The following ECT2 variants were observed in gnomAD, a reference collection of about 807,000 sequenced individuals.
ECT2 encodes the protein protein ECT2.
In ECT2, 61 loss-of-function variants were observed where a neutral mutation model predicts 116.9. The ratio of observed to expected loss-of-function variants is 0.52; its 90% confidence interval spans 0.42 to 0.65. ECT2 has a LOEUF of 0.65. Ranked by LOEUF, ECT2 falls within the 30% of genes least tolerant of loss-of-function variation. The pLI is 0.00. For synonymous variants in ECT2, 358 were observed against 346.4 expected (o/e 1.03, Z -0.37); for missense variants, 937 against 1,078.7 (o/e 0.87, Z 1.84).
Position 172,773,986 on chromosome 3 carries a change from C to T in ECT2, c.1512C>T (p.Ser504=), listed in dbSNP as rs1162273899. 3 of 1,612,850 alleles carry T rather than the reference C, an allele frequency of 1.9e-6. No individual in the cohort carries two copies. The highest frequency in any genetic ancestry group is 2.5e-6 in the Non-Finnish European group (3 of 1,179,006). ...AGGAGATTAAGACTATTTTTGGTAG[C>T]ATCCCAGATATCTTTGATGTACACA... ...APEEIKTIFG[S]IPDIFDVHTK... Residue 504 remains serine, a synonymous_variant, in exon 14 of 25, where the codon AGC becomes AGT. Coordinates refer to ENST00000392692, the MANE Select transcript of ECT2 (RefSeq NM_001258315.2).
intron 18 of ECT2, among the ~76,000 whole-genome samples, chr3:172,795,288 T>C (rs1287111599): frequency 9.2e-5 from 13 of 141,182 alleles, no homozygotes; most frequent in Middle Eastern, 3.9e-3. Flanking sequence ...ATTGCACCAC[T>C]GCACTCCAGC....
chr3:172,801,189 T>G (rs1425729284), intron 18 of ECT2, among the ~76,000 whole-genome samples: 1 of 152,214 alleles, frequency 6.6e-6, no homozygotes, highest in Non-Finnish European at 1.5e-5. Context: ...TTCTAGACAT[T>G]GTCAGTTTTA....
At chr3:172,775,023 G>T (rs2108546026) in intron 14 of ECT2, among the ~76,000 whole-genome samples, 1 of 152,286 alleles carries the variant, frequency 6.6e-6, no homozygotes, top group Middle Eastern at 3.4e-3. Context: ...CCATTTATAG[G>T]TAGGTAAATG....
intron 18 of ECT2, among the ~76,000 whole-genome samples, chr3:172,798,526 A>G (rs1726149055): frequency 6.6e-6 from 1 of 152,204 alleles, no homozygotes; most frequent in South Asian, 2.1e-4. Flanking sequence ...GAGATCAAGC[A>G]GAATAAAAAT....
chr3:172,781,287 G>A (rs1447362814), intron 14 of ECT2, among the ~76,000 whole-genome samples: 1 of 152,116 alleles, frequency 6.6e-6, no homozygotes, highest in Non-Finnish European at 1.5e-5. Context: ...TATCATATCT[G>A]CTTCTGCATT....
At chr3:172,787,134 TCTGA>T (rs1723739191) in intron 18 of ECT2, among the ~76,000 whole-genome samples, 1 of 152,190 alleles carries the variant, frequency 6.6e-6, no homozygotes, top group Non-Finnish European at 1.5e-5. Flanking sequence ...GAAATGATCT[TCTGA>T]CTGTTAGGAT....
At position 172,790,706 on chromosome 3, in the gene ECT2, G is replaced by A. The variant is rs141116974; in HGVS notation, c.1907+4132G>A. Among the ~76,000 whole-genome samples the A allele has an allele frequency of 2.7e-3, 407 of 152,336 alleles. 2 individuals carry two copies. Among genetic ancestry groups the A allele is most frequent in the African/African-American group, 9.2e-3 (383 of 41,578 alleles). ...GAAATTACTCCTTGATTCATGGGCTGCAGAATTGGATGTTGAGCTAGCAGG... is the reference window on the plus strand; with the variant it reads ...GAAATTACTCCTTGATTCATGGGCTACAGAATTGGATGTTGAGCTAGCAGG... On this transcript the variant is annotated intron_variant, in intron 18 of 24. Transcript: ENST00000392692.
At chr3:172,801,844 G>T (rs1726777348) in intron 18 of ECT2, among the ~76,000 whole-genome samples, 1 of 152,190 alleles carries the variant, frequency 6.6e-6, no homozygotes, top group Non-Finnish European at 1.5e-5. Context: ...AGTCAGAAAA[G>T]TAAATTCATT....
At chr3:172,788,761 G>A (rs777522923) in intron 18 of ECT2, among the ~76,000 whole-genome samples, 3 of 152,146 alleles carry the variant, frequency 2.0e-5, no homozygotes, top group Non-Finnish European at 4.4e-5. Context: ...AAAAATTATT[G>A]TTAAAAAATG....
At chr3:172,759,311 A>G (rs543382211) in intron 6 of ECT2, among the ~76,000 whole-genome samples, 1 of 152,188 alleles carries the variant, frequency 6.6e-6, no homozygotes, top group South Asian at 2.1e-4. Flanking sequence ...ATTCTGTTTG[A>G]CTGTCTTGTT....
At chr3:172,820,104 T>A in intron 24 of ECT2, 44 bp from the exon 25 acceptor site, 1 of 1,498,234 alleles carries the variant, frequency 6.7e-7, no homozygotes, top group South Asian at 1.2e-5. Context: ...ACAATTTTTT[T>A]AAAGGAAAAT....
rs1729551107 is a variant in ECT2, at chr3:172,815,601, T to C, written c.2401-3T>C. ...GATAACAAAAAGTATTATTTTTCAA[T>C]AGGAGAATCTTATTTATACTGCTGA... is the stretch of plus-strand genomic sequence containing the variant. On this transcript the variant is annotated splice_region_variant and splice_polypyrimidine_tract_variant and intron_variant, in intron 22 of 24. Transcript: ENST00000392692. 6.5e-7 allele frequency: 1 copy of C among 1,528,544 alleles called. No homozygotes were observed. The highest frequency in any genetic ancestry group is 8.9e-7 in the Non-Finnish European group (1 of 1,123,630). The allele number at this position is 1,528,544 out of a possible 1,614,324, so 94.7% of individuals were successfully genotyped here.
chr3:172,818,149 T>TGCTTAAAG (rs1372581456), intron 24 of ECT2, among the ~76,000 whole-genome samples: 1 of 152,096 alleles, frequency 6.6e-6, no homozygotes, highest in African/African-American at 2.4e-5. Context: ...ATTTTAAAGT[T>TGCTTAAAG]GCTTAAAGTC....
In ECT2 at chr3:172,816,835, G is replaced by A; in HGVS notation, c.2653G>A (p.Ala885Thr). The change falls in exon 24 of 25, where the codon GCA (alanine) becomes ACA (threonine). Residue 885 changes from alanine to threonine, a missense_variant and splice_region_variant. Physicochemically the swap from Ala to Thr is moderately conservative, Grantham distance 58. Transcript: ENST00000392692. ...MSRLSSTSSL[A>T]GIPSPSLVSL... is the part of the protein sequence containing the mutation. Reference sequence around the variant, plus strand: ...TCGTCTTTCTAGCACATCATCATTAGCAGTAAGTTATTTTGATTTAATGGG... The same window carrying A: ...TCGTCTTTCTAGCACATCATCATTAACAGTAAGTTATTTTGATTTAATGGG... The A allele has an allele frequency of 6.4e-7, 1 of 1,566,448 alleles. No homozygotes were observed. Among genetic ancestry groups the A allele is most frequent in the Non-Finnish European group, 8.7e-7 (1 of 1,149,458 alleles).
At chr3:172,827,688 A>G in the ECT2 span, among the ~76,000 whole-genome samples, 1 of 152,326 alleles carries the variant, frequency 6.6e-6, no homozygotes. Context: ...ACAGTTAGAT[A>G]GAAGGAAAAA....
At chr3:172,771,624 A>G (rs1004423391) in intron 13 of ECT2, among the ~76,000 whole-genome samples, 4 of 152,158 alleles carry the variant, frequency 2.6e-5, no homozygotes, top group African/African-American at 9.7e-5. Context: ...CTATAGAATA[A>G]TTTTTTTATG....
At position 172,756,986 on chromosome 3, in the gene ECT2, A is replaced by G. The variant is rs1484306711; in HGVS notation, c.307A>G (p.Ile103Val). 1 of 1,601,576 alleles carries G rather than the reference A, an allele frequency of 6.2e-7. No homozygotes were observed. The highest frequency in any genetic ancestry group is 8.5e-7 in the Non-Finnish European group (1 of 1,176,814). The change falls in exon 5 of 25, where the codon ATT (isoleucine) becomes GTT (valine). Residue 103 changes from isoleucine (I) to valine (V), a missense_variant. Transcript: ENST00000392692. ...CTGCTAACTATATGATGAAAAGGACATTAAAGTGGGCTTTGTAAAGATGGA... is the reference window on the plus strand; with the variant it reads ...CTGCTAACTATATGATGAAAAGGACGTTAAAGTGGGCTTTGTAAAGATGGA... ...KLIKSVINMD[I>V]KVGFVKMESV...
At chr3:172,823,058 C>T (rs756932896), downstream of ECT2, among the ~76,000 whole-genome samples, 2 of 151,536 alleles carry the variant, frequency 1.3e-5, no homozygotes, top group Non-Finnish European at 2.9e-5. Context: ...TCTCACAGAG[C>T]GTTATAGTCA....
chr3:172,809,903 C>T (rs888184686), intron 22 of ECT2, among the ~76,000 whole-genome samples: 3 of 152,102 alleles, frequency 2.0e-5, no homozygotes, highest in Non-Finnish European at 2.9e-5. Context: ...GATTCTTGGT[C>T]GAAGCATCTT....
Sources: allele counts gnomAD v4.1 joint callset (sites outside exome capture counted in the v4.1 genomes callset), GRCh38; gene constraint gnomAD v4.1.1; transcripts MANE v1.5; gene names NCBI Gene and HGNC (gene_info 2026-07-23, HGNC 2026-07-21).